Variants in FRMD4A observed in about 807,000 individuals in gnomAD.
FRMD4A encodes the protein FERM domain containing 4A, also known as FERM domain-containing protein 4A.
Under a neutral mutation model 129.1 loss-of-function variants are expected in FRMD4A, and 29 were observed. The observed-to-expected ratio is 0.22, with a 90% CI of 0.17 to 0.31. FRMD4A has a LOEUF of 0.31. Among genes scored for constraint, FRMD4A ranks in the 10% least tolerant of loss-of-function variants. FRMD4A has a pLI of 1.00. For synonymous variants in FRMD4A, 634 were observed against 571.6 expected (o/e 1.11, Z -1.56); for missense variants, 1,272 against 1,375.8 (o/e 0.92, Z 1.19).
intron 2 of FRMD4A, chr10:13,866,415 G>A (rs538870739): frequency 4.8e-5 from 10 of 210,030 alleles, no homozygotes; most frequent in Middle Eastern, 2.3e-3. Flanking sequence ...ACAACTTCCC[G>A]GCACAAGTCA....
intron 2 of FRMD4A, chr10:14,007,264 T>C (rs945304940): frequency 3.9e-5 from 6 of 152,180 alleles, no homozygotes; most frequent in African/African-American, 1.4e-4. Flanking sequence ...AATTCAAACA[T>C]GGGCTTTTGG....
chr10:14,207,098 G>T lies in FRMD4A; in HGVS notation c.45+122960C>A, dbSNP rs947587142. 4.1e-4 allele frequency among the ~76,000 whole-genome samples: 63 copies of T among 151,994 alleles called. 1 individual carries two copies. The highest frequency in any genetic ancestry group is 4.1e-3 in the Admixed American group (63 of 15,246). On this transcript the variant is annotated intron_variant, in intron 2 of 24. Transcript: ENST00000357447. ...GAGAAGACCTGAAATGTTCCAAAGAGGGAAATGGTTAGATAAGCAACATAT... is the reference window on the plus strand; with the variant it reads ...GAGAAGACCTGAAATGTTCCAAAGATGGAAATGGTTAGATAAGCAACATAT...
At chr10:14,069,374 C>T (rs1159343163) in intron 2 of FRMD4A, among the ~76,000 whole-genome samples, 1 of 152,144 alleles carries the variant, frequency 6.6e-6, no homozygotes, top group African/African-American at 2.4e-5. Flanking sequence ...TAGAGATGGA[C>T]TCCTTGGATT....
At chr10:13,891,032 A>G (rs755542395) in intron 2 of FRMD4A, among the ~76,000 whole-genome samples, 7 of 152,102 alleles carry the variant, frequency 4.6e-5, no homozygotes, top group Non-Finnish European at 7.4e-5. Flanking sequence ...GTGCACCAAC[A>G]TTTGAGCAGC....
At chr10:13,894,171 CT>C (rs1476547673) in intron 2 of FRMD4A, among the ~76,000 whole-genome samples, 1 of 152,210 alleles carries the variant, frequency 6.6e-6, no homozygotes, top group East Asian at 1.9e-4. Context: ...GCCAGGCATA[CT>C]CAGGCCACAT....
intron 16 of FRMD4A, among the ~76,000 whole-genome samples, chr10:13,671,296 A>G (rs1473024715): frequency 6.6e-6 from 1 of 152,148 alleles, no homozygotes; most frequent in Non-Finnish European, 1.5e-5. Flanking sequence ...TCTACTAAAA[A>G]TACAAAAATT....
chr10:14,171,684 G>C (rs1841484526), intron 2 of FRMD4A, among the ~76,000 whole-genome samples: 1 of 152,204 alleles, frequency 6.6e-6, no homozygotes, highest in Non-Finnish European at 1.5e-5. Flanking sequence ...ATTTAGACTG[G>C]TTAAGTCCAT....
chr10:13,764,630 T>C (rs1588613051), intron 6 of FRMD4A, among the ~76,000 whole-genome samples: 2 of 152,196 alleles, frequency 1.3e-5, no homozygotes, highest in African/African-American at 4.8e-5. Context: ...TCATTATACA[T>C]AGCTCACATG....
intron 2 of FRMD4A, among the ~76,000 whole-genome samples, chr10:14,078,441 T>A (rs1016485533): frequency 6.6e-6 from 1 of 152,216 alleles, no homozygotes; most frequent in Non-Finnish European, 1.5e-5. Flanking sequence ...TTGAGACCAA[T>A]CTACATAAAT....
intron 2 of FRMD4A, among the ~76,000 whole-genome samples, chr10:14,149,749 T>A (rs998614456): frequency 6.6e-6 from 1 of 152,190 alleles, no homozygotes; most frequent in South Asian, 2.1e-4. Context: ...AGGTGGGAGA[T>A]GGGCTGTGAC....
rs1197962139 is a variant in FRMD4A, at chr10:14,330,155, C to T, written c.-53G>A. On this transcript the variant is annotated 5_prime_UTR_variant, in exon 2 of 25. Transcript: ENST00000357447. Reference sequence around the variant, plus strand: ...GCTGCCGAGTCAGTCCTCCTGGGCCCCGGGTGGCTACAGAGCATCCAAAAG... The same window carrying T: ...GCTGCCGAGTCAGTCCTCCTGGGCCTCGGGTGGCTACAGAGCATCCAAAAG... The T allele has an allele frequency of 5.2e-6, 8 of 1,537,646 alleles. No individual in the cohort carries two copies. The highest frequency in any genetic ancestry group is 1.4e-5 in the African/African-American group (1 of 72,714).
intron 4 of FRMD4A, among the ~76,000 whole-genome samples, chr10:13,806,343 C>CAA (rs202207725): frequency 8.6e-5 from 13 of 150,414 alleles, no homozygotes; most frequent in African/African-American, 2.9e-4. Context: ...AGAAATATTT[C>CAA]AAAAAAAAAT....
At chr10:13,726,074 T>C (rs1648204039) in intron 12 of FRMD4A, among the ~76,000 whole-genome samples, 2 of 152,114 alleles carry the variant, frequency 1.3e-5, no homozygotes, top group South Asian at 4.1e-4. Flanking sequence ...AAATTCTTCT[T>C]TGGGGGCCTG....
Position 14,175,964 on chromosome 10 carries a change from A to G in FRMD4A, c.45+154094T>C, listed in dbSNP as rs559363372. Among the ~76,000 whole-genome samples the G allele has an allele frequency of 4.6e-5, 7 of 152,268 alleles. No homozygotes were observed. The South Asian group carries it at 1.2e-3, about 27-fold the overall frequency. On this transcript the variant is annotated intron_variant, in intron 2 of 24. Transcript: ENST00000357447. The stretch of plus-strand genomic sequence containing the variant: ...CTGTAGACCCAACATATTGAGTGCA[A>G]CTCGCTGTCCTTATATAAAAGATTA...
chr10:13,794,843 C>A (rs78899600), intron 5 of FRMD4A, among the ~76,000 whole-genome samples: 1 of 152,142 alleles, frequency 6.6e-6, no homozygotes. Flanking sequence ...CATCCCATTC[C>A]CCAATTCTCT....
intron 2 of FRMD4A, among the ~76,000 whole-genome samples, chr10:13,889,507 A>G (rs2094669241): frequency 6.6e-6 from 1 of 152,204 alleles, no homozygotes; most frequent in Non-Finnish European, 1.5e-5. Flanking sequence ...AGTTTCCCCA[A>G]TGACGAGATC....
chr10:14,056,319 A>C (rs901812481), intron 2 of FRMD4A, among the ~76,000 whole-genome samples: 3 of 152,068 alleles, frequency 2.0e-5, no homozygotes, highest in African/African-American at 7.2e-5. Context: ...GGCGTGAGCC[A>C]CCGGACCTGA....
chr10:13,855,259 C>A (rs1377832623), intron 3 of FRMD4A, among the ~76,000 whole-genome samples: 2 of 152,184 alleles, frequency 1.3e-5, no homozygotes, highest in Non-Finnish European at 1.5e-5. Flanking sequence ...TTACTGCATC[C>A]TCCTGGCAAG....
chr10:14,153,618 G>A (rs1589087686), intron 2 of FRMD4A, among the ~76,000 whole-genome samples: 1 of 152,160 alleles, frequency 6.6e-6, no homozygotes, highest in Non-Finnish European at 1.5e-5. Context: ...TGAGTTATCT[G>A]AGAGGAGTGA....
Sources: gnomAD v4.1 joint callset for allele counts (sites outside exome capture counted in the v4.1 genomes callset) on GRCh38, gnomAD v4.1.1 for gene constraint, MANE v1.5 for transcripts, NCBI Gene and HGNC (gene_info 2026-07-23, HGNC 2026-07-21) for gene names.